IDE: variants seen among roughly 807,000 people sequenced by gnomAD.
IDE encodes the protein insulin-degrading enzyme.
Under a neutral mutation model 133.2 loss-of-function variants are expected in IDE, and 58 were observed. The ratio of observed to expected loss-of-function variants is 0.44; its 90% CI spans 0.35 to 0.54. The LOEUF is 0.54. Ranked by LOEUF, IDE falls within the 20% of genes least tolerant of loss-of-function variation. The probability of loss-of-function intolerance (pLI) is 0.00; values close to 1 mark genes in which losing one functional copy is unlikely to be tolerated. For missense variants in IDE, 981 were observed against 1,234.0 expected (o/e 0.79, Z 3.07); for synonymous variants, 396 against 421.3 (o/e 0.94, Z 0.73).
chr10:92,524,489 T>TTATA (rs1554844877), intron 4 of IDE, among the ~76,000 whole-genome samples: 2,295 of 11,792 alleles, frequency 0.19, 528 homozygotes, highest in Non-Finnish European at 0.29. Context: ...ATATATTATA[T>TTATA]TATAATATAT....
chr10:92,550,970 G>T (rs1842753099), intron 1 of IDE, among the ~76,000 whole-genome samples: 1 of 152,182 alleles, frequency 6.6e-6, no homozygotes, highest in South Asian at 2.1e-4. Context: ...ATACAAAATG[G>T]TACAGCAGTA....
intron 11 of IDE, among the ~76,000 whole-genome samples, chr10:92,493,807 G>A (rs1281290431): frequency 6.6e-6 from 1 of 152,150 alleles, no homozygotes; most frequent in Non-Finnish European, 1.5e-5. Context: ...AGGAATTCCA[G>A]ATTGAAATAT....
chr10:92,523,639 T>G (rs1849352562), intron 4 of IDE, among the ~76,000 whole-genome samples: 1 of 150,244 alleles, frequency 6.7e-6, no homozygotes. Context: ...AGGCGGAGGT[T>G]GCAGTGAGCC....
chr10:92,464,116 G>A, intron 20 of IDE, 113 bp from the exon 21 acceptor site: 2 of 1,046,530 alleles, frequency 1.9e-6, no homozygotes. Flanking sequence ...AGGTTTTAGA[G>A]TATTCACCTC....
chr10:92,569,252 TAAGCC>T (rs1843683564), intron 1 of IDE, among the ~76,000 whole-genome samples: 1 of 41,452 alleles, frequency 2.4e-5, no homozygotes, highest in Non-Finnish European at 4.1e-5. Flanking sequence ...AAAGTTGGGC[TAAGCC>T]AGCCAACAGA....
rs762747519 is a variant in IDE, at chr10:92,537,552, TGAAAA to T, written c.99-7_99-3del. ...TTGCTGTAAGTCTTTTTTTGGAAAC[TGAAAA>T]GAAAGAGATTTTTAATTGTTGATTT... On this transcript the variant is annotated splice_region_variant and splice_polypyrimidine_tract_variant and intron_variant, in intron 1 of 24. Transcript: ENST00000265986. The T allele has an allele frequency of 3.8e-6, 6 of 1,583,174 alleles. No homozygotes were observed. The South Asian group carries it at 4.6e-5, about 12-fold the overall frequency.
At chr10:92,517,725 G>A (rs1858162853) in intron 4 of IDE, among the ~76,000 whole-genome samples, 1 of 152,126 alleles carries the variant, frequency 6.6e-6, no homozygotes, top group Admixed American at 6.5e-5. Context: ...CACTTTGGGA[G>A]GCCAAGGCAG....
intron 1 of IDE, among the ~76,000 whole-genome samples, chr10:92,553,418 TG>T (rs1842879862): frequency 1.3e-5 from 2 of 148,232 alleles, no homozygotes; most frequent in Non-Finnish European, 3.0e-5. Context: ...AGTGAGACTC[TG>T]TCTCAAAAAA....
chr10:92,529,602 A>G (rs1312971322), intron 4 of IDE, among the ~76,000 whole-genome samples: 2 of 152,124 alleles, frequency 1.3e-5, no homozygotes, highest in Non-Finnish European at 2.9e-5. Context: ...GTGGCCAGGC[A>G]TGGTGGCTCA....
At chr10:92,524,391 T>TTATATAATATATAATATATATTATATTA (rs1849439362) in intron 4 of IDE, among the ~76,000 whole-genome samples, 3 of 83,068 alleles carry the variant, frequency 3.6e-5, no homozygotes, top group East Asian at 3.0e-4. Context: ...ATAATATATT[T>TTATATAATATATAATATATATTATATTA]TATATAATAT....
chr10:92,501,799 A>AC (rs1181439563), intron 11 of IDE, among the ~76,000 whole-genome samples: 2 of 151,920 alleles, frequency 1.3e-5, no homozygotes, highest in African/African-American at 4.8e-5. Context: ...ACATGGTGAA[A>AC]CCCCATCTCT....
chr10:92,482,516 G>A (rs1442888321), intron 14 of IDE, among the ~76,000 whole-genome samples: 1 of 152,158 alleles, frequency 6.6e-6, no homozygotes, highest in Non-Finnish European at 1.5e-5. Context: ...ACAAGACTCA[G>A]GATCATTTAG....
intron 3 of IDE, 150 bp from the exon 4 acceptor site, chr10:92,532,067 A>G (rs560942146): frequency 1.9e-5 from 10 of 522,274 alleles, no homozygotes; most frequent in Non-Finnish European, 3.3e-5. Context: ...AAAGGAGTAT[A>G]AAATAAGTGC....
At chr10:92,535,440 G>A (rs888048679) in intron 2 of IDE, among the ~76,000 whole-genome samples, 3 of 151,752 alleles carry the variant, frequency 2.0e-5, no homozygotes, top group African/African-American at 7.3e-5. Flanking sequence ...CATTGCAGGA[G>A]ACTATACAGC....
chr10:92,468,521 T>C (rs1266099648), intron 19 of IDE, among the ~76,000 whole-genome samples: 1 of 152,250 alleles, frequency 6.6e-6, no homozygotes, highest in Non-Finnish European at 1.5e-5. Context: ...AAGAATCCTA[T>C]GGGTTTCCAA....
chr10:92,505,932 T>C (rs1848271225), intron 10 of IDE, among the ~76,000 whole-genome samples: 1 of 152,186 alleles, frequency 6.6e-6, no homozygotes, highest in Admixed American at 6.5e-5. Flanking sequence ...TTTTGCATTT[T>C]ATGCCAACTC....
chr10:92,510,701 C>G (rs1202042662), intron 5 of IDE, among the ~76,000 whole-genome samples: 2 of 151,324 alleles, frequency 1.3e-5, no homozygotes, highest in African/African-American at 4.9e-5. Flanking sequence ...ATACATCTCA[C>G]ATATATGATA....
At chr10:92,570,133 T>C (rs1270126433) in intron 1 of IDE, among the ~76,000 whole-genome samples, 4 of 151,924 alleles carry the variant, frequency 2.6e-5, no homozygotes, top group Admixed American at 2.0e-4. Context: ...ACACTTTTAA[T>C]AGGCAAAAAG....
At chr10:92,473,104 G>A (rs763308340) in intron 17 of IDE, among the ~76,000 whole-genome samples, 53 of 150,458 alleles carry the variant, frequency 3.5e-4, no homozygotes, top group Admixed American at 2.3e-3. Context: ...CACCACGCCC[G>A]GCTAATTTTT....
Sources: allele counts gnomAD v4.1 joint callset (sites outside exome capture counted in the v4.1 genomes callset), GRCh38; gene constraint gnomAD v4.1.1; transcripts MANE v1.5; gene names NCBI Gene and HGNC (gene_info 2026-07-23, HGNC 2026-07-21).